NAA35: variants seen among roughly 807,000 people sequenced by gnomAD.
NAA35 encodes MAK10 homolog, amino-acid N-acetyltransferase subunit.
Under a neutral mutation model 101.7 loss-of-function variants are expected in NAA35, and 18 were observed. The observed-to-expected ratio is 0.18, with a 90% CI of 0.12 to 0.26. The LOEUF is 0.26. Ranked by LOEUF, NAA35 falls within the 10% of genes least tolerant of loss-of-function variation. NAA35 has a pLI of 1.00. For synonymous variants in NAA35, 267 were observed against 273.1 expected (o/e 0.98, Z 0.22); for missense variants, 601 against 886.8 (o/e 0.68, Z 4.09).
intron 2 of NAA35, among the ~76,000 whole-genome samples, chr9:85,955,806 G>T (rs1233191656): frequency 6.6e-6 from 1 of 152,140 alleles, no homozygotes; most frequent in Non-Finnish European, 1.5e-5. Context: ...TGGACTTTGG[G>T]ATTTAGAAAG....
intron 15 of NAA35, among the ~76,000 whole-genome samples, chr9:86,010,841 T>C (rs1352169197): frequency 1.3e-5 from 2 of 151,594 alleles, no homozygotes; most frequent in Non-Finnish European, 1.5e-5. Context: ...CCTCCCAAAG[T>C]GCTGGGATTA....
At chr9:85,951,647 T>A (rs577754727) in intron 2 of NAA35, among the ~76,000 whole-genome samples, 1 of 152,220 alleles carries the variant, frequency 6.6e-6, no homozygotes, top group Non-Finnish European at 1.5e-5. Flanking sequence ...CAATAAGTTA[T>A]GCAGATCTTC....
At chr9:85,980,505 A>C (rs1830394281) in intron 11 of NAA35, among the ~76,000 whole-genome samples, 1 of 152,216 alleles carries the variant, frequency 6.6e-6, no homozygotes, top group Non-Finnish European at 1.5e-5. Flanking sequence ...AAGAAGGAAG[A>C]CCAAATATAT....
chr9:85,955,008 C>T (rs551767831), intron 2 of NAA35, among the ~76,000 whole-genome samples: 1 of 152,074 alleles, frequency 6.6e-6, no homozygotes, highest in Non-Finnish European at 1.5e-5. Context: ...ACCTCTGCCT[C>T]CCGGGTTTAA....
chr9:85,996,542 G>A lies in NAA35; in HGVS notation c.1021G>A (p.Glu341Lys), dbSNP rs1337179415. The change falls in exon 12 of 23, where the codon GAG becomes AAG. Residue 341 changes from glutamate (E) to lysine (K), a missense_variant. Coordinates refer to ENST00000361671, the MANE Select transcript of NAA35 (RefSeq NM_024635.4). ...RLIDRIKTVC[E>K]VVNLTNLHCI... is the part of the protein sequence containing the mutation. ...AATAGATAGAATAAAAACTGTCTGT[G>A]AGGTTGTGAATTTAACAAATTTACA... The A allele has an allele frequency of 2.3e-5, 37 of 1,590,462 alleles. No individual in the cohort carries two copies. The highest frequency in any genetic ancestry group is 2.9e-5 in the Non-Finnish European group (34 of 1,173,568).
Position 85,941,328 on chromosome 9 carries a change from C to T in NAA35, c.-6+55C>T, listed in dbSNP as rs73491309. 9.8e-3 allele frequency: 9,630 copies of T among 985,508 alleles called. 701 individuals carry two copies. In the African/African-American group the frequency reaches 0.16, roughly 16 times the overall value. The allele number at this position is 985,508 out of a possible 1,614,324, so 61.0% of individuals were successfully genotyped here. A position where few individuals can be genotyped will look rare whatever the true frequency, so the allele number is the denominator to read the frequency against. ...ACCCTCTCGCTCGTGTGTCCGAGAG[C>T]CGCAGCCCCCCGCGCGTGTGGCAGA... On this transcript the variant is annotated intron_variant, in intron 1 of 22. Transcript: ENST00000361671.
intron 2 of NAA35, among the ~76,000 whole-genome samples, chr9:85,948,131 C>T (rs1037129173): frequency 6.6e-6 from 1 of 152,104 alleles, no homozygotes; most frequent in East Asian, 1.9e-4. Context: ...CCCTTCATCC[C>T]CAGTTTAGGC....
At chr9:85,973,747 GT>G (rs1181486599) in intron 6 of NAA35, among the ~76,000 whole-genome samples, 1 of 150,298 alleles carries the variant, frequency 6.7e-6, no homozygotes, top group East Asian at 2.3e-4. Context: ...AATATGATGA[GT>G]GTTTTTTTTT....
intron 5 of NAA35, among the ~76,000 whole-genome samples, chr9:85,961,546 CT>C (rs1829515614): frequency 1.3e-5 from 2 of 152,116 alleles, no homozygotes; most frequent in Non-Finnish European, 2.9e-5. Flanking sequence ...TTAGAAAGAT[CT>C]CTAGTTGGGG....
rs144972486 is a variant in NAA35 at position 85,990,242 on chromosome 9, T to C, written c.878-6157T>C. Among the ~76,000 whole-genome samples, 920 of 152,328 alleles carry C rather than the reference T, an allele frequency of 6.0e-3. 11 individuals are homozygous for C. The highest frequency in any genetic ancestry group is 0.021 in the African/African-American group (864 of 41,562). ...ACTAATCCGTACCTGTGAGAACTAA[T>C]CCAGTCTCACGAGAGTGAGAAGGCA... On this transcript the variant is annotated intron_variant, in intron 11 of 22. Transcript: ENST00000361671.
chr9:85,998,743 A>G (rs1211114968), intron 12 of NAA35, among the ~76,000 whole-genome samples: 1 of 152,188 alleles, frequency 6.6e-6, no homozygotes, highest in African/African-American at 2.4e-5. Flanking sequence ...TGTGCAAGAC[A>G]GTACTGTTGT....
intron 21 of NAA35, among the ~76,000 whole-genome samples, 161 bp downstream of exon 21, chr9:86,018,982 G>A (rs931700870): frequency 3.3e-5 from 5 of 152,148 alleles, no homozygotes; most frequent in African/African-American, 4.8e-5. Flanking sequence ...TCAAACTAAC[G>A]TTGTCAGACT....
At chr9:85,947,124 T>C (rs1828803816) in intron 2 of NAA35, among the ~76,000 whole-genome samples, 1 of 152,154 alleles carries the variant, frequency 6.6e-6, no homozygotes, top group Non-Finnish European at 1.5e-5. Context: ...AATGCTGTCA[T>C]TTTGGGGGAT....
At chr9:85,999,552 T>G (rs1831326757) in intron 12 of NAA35, among the ~76,000 whole-genome samples, 1 of 152,222 alleles carries the variant, frequency 6.6e-6, no homozygotes, top group Non-Finnish European at 1.5e-5. Context: ...TTATTGTTGG[T>G]CAATTTCACT....
At chr9:86,021,860 A>G (rs762434742) in intron 22 of NAA35, 41 bp from the exon 23 acceptor site, 2 of 1,458,284 alleles carry the variant, frequency 1.4e-6, no homozygotes, top group African/African-American at 1.4e-5. Context: ...CCATCTGAAT[A>G]TTTGTAGATA....
intron 10 of NAA35, among the ~76,000 whole-genome samples, chr9:85,977,973 T>G (rs557831102): frequency 9.2e-5 from 14 of 152,110 alleles, no homozygotes; most frequent in African/African-American, 3.4e-4. Flanking sequence ...ATGGTAGAAT[T>G]GTTGAAAATT....
At position 86,013,039 on chromosome 9, in the gene NAA35, A is replaced by G. The variant is rs780265990; in HGVS notation, c.1291-7A>G. 3.3e-6 allele frequency: 5 copies of G among 1,517,012 alleles called. No individual in the cohort carries two copies. In the African/African-American group the frequency reaches 5.5e-5, roughly 17 times the overall value. 94.0% of individuals were successfully genotyped at this position (1,517,012 alleles called of 1,614,324 possible). A position where few individuals can be genotyped will look rare whatever the true frequency, so the allele number is the denominator to read the frequency against. On this transcript the variant is annotated splice_polypyrimidine_tract_variant and splice_region_variant and intron_variant, in intron 15 of 22. Coordinates refer to ENST00000361671, the MANE Select transcript of NAA35 (RefSeq NM_024635.4). The stretch of plus-strand genomic sequence containing the variant: ...TTTACAGTTGACAAATTATATGTGT[A>G]TTGCAGCCATTCTGTAGTCTTATTC...
intron 11 of NAA35, among the ~76,000 whole-genome samples, chr9:85,982,435 C>G (rs775829349): frequency 6.6e-6 from 1 of 152,140 alleles, no homozygotes; most frequent in Non-Finnish European, 1.5e-5. Context: ...AAGTTTAGCT[C>G]ATCCTTTAAA....
intron 12 of NAA35, among the ~76,000 whole-genome samples, chr9:85,997,372 C>T (rs1278373250): frequency 6.6e-6 from 1 of 150,712 alleles, no homozygotes; most frequent in Non-Finnish European, 1.5e-5. Context: ...TAGGGGGTTT[C>T]CCTCTGTTGC....
Sources: allele counts gnomAD v4.1 joint callset (sites outside exome capture counted in the v4.1 genomes callset), GRCh38; gene constraint gnomAD v4.1.1; transcripts MANE v1.5; gene names NCBI Gene and HGNC (gene_info 2026-07-23, HGNC 2026-07-21).